The following CARHSP1 variants were observed in gnomAD, a reference collection of about 807,000 sequenced individuals.
CARHSP1 encodes the protein calcium regulated heat stable protein 1, also known as calcium-regulated heat-stable protein 1.
In CARHSP1, 14 loss-of-function variants were observed where a neutral mutation model predicts 12.5. That is an observed-to-expected ratio of 1.12 (90% CI 0.74 to 1.75). CARHSP1 has a LOEUF of 1.75. CARHSP1 is among the 40% of genes most tolerant of loss of function. The pLI, the probability that CARHSP1 is intolerant of heterozygous loss-of-function variation, is 0.00. For synonymous variants in CARHSP1, 161 were observed against 82.0 expected (o/e 1.96, Z -5.20); for missense variants, 343 against 201.6 (o/e 1.70, Z -4.25).
intron 1 of CARHSP1, among the ~76,000 whole-genome samples, chr16:8,866,706 G>C (rs1014719332): frequency 2.0e-5 from 3 of 151,006 alleles, no homozygotes; most frequent in Non-Finnish European, 4.4e-5. Flanking sequence ...AGAGGAGGGG[G>C]AGGGACACGA....
intron 1 of CARHSP1, chr16:8,860,508 G>C: frequency 1.0e-6 from 1 of 985,444 alleles, no homozygotes; most frequent in Non-Finnish European, 1.2e-6. Flanking sequence ...AGGGGAAAGA[G>C]AAACAGTCCA....
At chr16:8,861,721 G>A in intron 1 of CARHSP1, 1 of 1,288,034 alleles carries the variant, frequency 7.8e-7, no homozygotes. Flanking sequence ...CTGAGTCCGG[G>A]GAGCCCCCAC....
At chr16:8,865,729 G>A (rs780237464) in intron 1 of CARHSP1, among the ~76,000 whole-genome samples, 3 of 152,206 alleles carry the variant, frequency 2.0e-5, no homozygotes, top group African/African-American at 7.2e-5. Flanking sequence ...AGACTTCTGC[G>A]TCAGGCCCTG....
Position 8,859,283 on chromosome 16 carries a change from C to T in CARHSP1, c.46G>A (p.Ala16Thr). 6.2e-7 allele frequency: 1 copy of T among 1,600,736 alleles called. No individual in the cohort carries two copies. Among genetic ancestry groups the T allele is most frequent in the Non-Finnish European group, 8.5e-7 (1 of 1,176,114 alleles). The stretch of plus-strand genomic sequence containing the variant: ...GGGGTGTCCAGCAGCCCGACTGAAG[C>T]TTGATGGGTGGGGGGCTGTGGTGGT... ...PPPPQPPTHQ[A>T]SVGLLDTPRS... The change falls in exon 2 of 4, where the codon GCT becomes ACT. Residue 16 changes from alanine (A) to threonine (T), a missense_variant. By Grantham distance (58) the Ala-to-Thr change is moderately conservative (BLOSUM62 0). Transcript: ENST00000311052.
chr16:8,855,199 G>C lies in CARHSP1; in HGVS notation c.409C>G (p.His137Asp), dbSNP rs1393928424. The change falls in exon 4 of 4, where the codon CAT becomes GAT. Residue 137 changes from histidine to aspartate, a missense_variant. Coordinates refer to ENST00000311052, the MANE Select transcript of CARHSP1 (RefSeq NM_014316.4). ...VITHLAPGTKHETWSGHVISS is the reference protein window; with the variant it reads ...VITHLAPGTKDETWSGHVISS ...ATGACATGTCCAGACCAGGTCTCAT[G>C]CTTGGTGCCTGGTGCCAGGTGAGTG... 6.2e-7 allele frequency: 1 copy of C among 1,612,160 alleles called. No homozygotes were observed. The highest frequency in any genetic ancestry group is 1.3e-5 in the African/African-American group (1 of 74,878).
rs1019028084 is a variant in CARHSP1, at chr16:8,854,999, C to T, written c.*165G>A. ...TGTGCTGATGGCCGGGAACACCCCA[C>T]ACCCCACACCTGCCCCCCATACCCC... On this transcript the variant is annotated 3_prime_UTR_variant, in exon 4 of 4. Transcript: ENST00000311052. 41 of 489,010 alleles carry T rather than the reference C, an allele frequency of 8.4e-5. No individual in the cohort carries two copies. Among genetic ancestry groups the T allele is most frequent in the Non-Finnish European group, 5.3e-5 (15 of 285,446 alleles). 30.3% of individuals were successfully genotyped at this position (489,010 alleles called of 1,614,324 possible).
rs374007002 is a variant in CARHSP1 at position 8,855,137 on chromosome 16, C to A, written c.*27G>T. The A allele has an allele frequency of 4.6e-6, 7 of 1,522,730 alleles. No homozygotes were observed. In the South Asian group the frequency reaches 5.0e-5, roughly 11 times the overall value. 94.3% of individuals were successfully genotyped at this position (1,522,730 alleles called of 1,614,324 possible). A position where few individuals can be genotyped will look rare whatever the true frequency, so the allele number is the denominator to read the frequency against. ...CTCCCTGCAAAGTCTCCCACAAGCACAGGACAAGGGGTGCTTCCACCATCT... is the reference window on the plus strand; with the variant it reads ...CTCCCTGCAAAGTCTCCCACAAGCAAAGGACAAGGGGTGCTTCCACCATCT... On this transcript the variant is annotated 3_prime_UTR_variant, in exon 4 of 4. Transcript: ENST00000311052.
Position 8,853,335 on chromosome 16 carries a change from G to GA in CARHSP1, c.*1828_*1829insT, listed in dbSNP as rs1326314417. On this transcript the variant is annotated 3_prime_UTR_variant, in exon 4 of 4. Coordinates refer to ENST00000311052, the MANE Select transcript of CARHSP1 (RefSeq NM_014316.4). The stretch of plus-strand genomic sequence containing the variant: ...AGCCAACAGGGAACAATTCAAGGCT[G>GA]GAGAGAAAAGGCCACCTTTGACCCA... 6 of 119,024 alleles carry GA rather than the reference G, an allele frequency of 5.0e-5. No individual in the cohort carries two copies. 7.4% of individuals were successfully genotyped at this position (119,024 alleles called of 1,614,324 possible). A position where few individuals can be genotyped will look rare whatever the true frequency, so the allele number is the denominator to read the frequency against.
chr16:8,860,241 G>A (rs905979409), intron 1 of CARHSP1: 2 of 983,776 alleles, frequency 2.0e-6, no homozygotes, highest in East Asian at 2.3e-4. Flanking sequence ...AAAGGGAAAG[G>A]GAGAATTTCC....
chr16:8,856,451 C>T (rs2061111948), intron 3 of CARHSP1, among the ~76,000 whole-genome samples: 8 of 152,214 alleles, frequency 5.3e-5, no homozygotes, highest in Admixed American at 5.2e-4. Flanking sequence ...CACAATATTT[C>T]CATCTTCCTA....
chr16:8,861,378 G>C lies in CARHSP1; in HGVS notation c.-7-2043C>G, dbSNP rs1657073. Among the ~76,000 whole-genome samples, 637 of 151,558 alleles carry C rather than the reference G, an allele frequency of 4.2e-3. 2 individuals carry two copies. The highest frequency in any genetic ancestry group is 7.5e-3 in the Admixed American group (114 of 15,230). On this transcript the variant is annotated intron_variant, in intron 1 of 3. Coordinates refer to ENST00000311052, the MANE Select transcript of CARHSP1 (RefSeq NM_014316.4). ...AAATCCAGGTTTCCAGCTGCTCATG[G>C]AAAGAAATGAAGCTCTCACAACCTT...
At chr16:8,860,155 T>G in intron 1 of CARHSP1, 1 of 985,324 alleles carries the variant, frequency 1.0e-6, no homozygotes, top group Non-Finnish European at 1.2e-6. Flanking sequence ...CGCAGAGAGC[T>G]CAAGCGCCAC....
At position 8,857,263 on chromosome 16, in the gene CARHSP1, GTTTTTT is replaced by G. The variant is rs756390920; in HGVS notation, c.281+1081_281+1086del. Among the ~76,000 whole-genome samples the G allele has an allele frequency of 1.5e-3, 84 of 56,990 alleles. 4 individuals are homozygous for G. Among genetic ancestry groups the G allele is most frequent in the African/African-American group, 2.6e-3 (46 of 17,902 alleles). 37.4% of individuals were successfully genotyped at this position (56,990 alleles called of 152,430 possible). A position where few individuals can be genotyped will look rare whatever the true frequency, so the allele number is the denominator to read the frequency against. ...TGGCTATGTGATCTTGGGCAGATCTGTTTTTTTTTTTTTTTTTTTTTTTTTTTTTTT... is the reference window on the plus strand; with the variant it reads ...TGGCTATGTGATCTTGGGCAGATCTGTTTTTTTTTTTTTTTTTTTTTTTTT... On this transcript the variant is annotated intron_variant, in intron 3 of 3. Transcript: ENST00000311052.
chr16:8,857,105 G>GGCCAGATATAATGGGCACTC (rs2141079582), intron 3 of CARHSP1, among the ~76,000 whole-genome samples: 1 of 152,144 alleles, frequency 6.6e-6, no homozygotes, highest in African/African-American at 2.4e-5. Context: ...GGGTGTCCTT[G>GGCCAGATATAATGGGCACTC]GCCAGATATA....
At chr16:8,857,297 T>TTTTTTTTTTTTTTA (rs2061164547) in intron 3 of CARHSP1, among the ~76,000 whole-genome samples, 1 of 84,660 alleles carries the variant, frequency 1.2e-5, no homozygotes. Context: ...TTTTTTTTTT[T>TTTTTTTTTTTTTTA]TTGAGATGGA....
At chr16:8,866,564 A>G (rs1261437137) in intron 1 of CARHSP1, 2 of 586,724 alleles carry the variant, frequency 3.4e-6, no homozygotes, top group Admixed American at 1.3e-4. Context: ...GAGCCCAGAT[A>G]GAAGGGTCCC....
intron 1 of CARHSP1, among the ~76,000 whole-genome samples, chr16:8,866,869 T>C (rs147247591): frequency 0.012 from 1,837 of 152,198 alleles, 19 homozygotes; most frequent in South Asian, 0.047. Flanking sequence ...GCCCGGCGCC[T>C]ACGTCTGCCC....
At chr16:8,857,278 T>TTTTTTTTTG (rs2061159829) in intron 3 of CARHSP1, among the ~76,000 whole-genome samples, 1 of 116,738 alleles carries the variant, frequency 8.6e-6, no homozygotes, top group African/African-American at 3.3e-5. Flanking sequence ...TTTTTTTTTT[T>TTTTTTTTTG]TTTTTTTTTT....
chr16:8,856,601 C>T (rs542233231), intron 3 of CARHSP1, among the ~76,000 whole-genome samples: 55 of 146,256 alleles, frequency 3.8e-4, no homozygotes, highest in African/African-American at 1.3e-3. Flanking sequence ...TCCTGCCTGC[C>T]GATCTGATAG....
Sources: allele counts gnomAD v4.1 joint callset (sites outside exome capture counted in the v4.1 genomes callset), GRCh38; gene constraint gnomAD v4.1.1; transcripts MANE v1.5; gene names NCBI Gene and HGNC (gene_info 2026-07-23, HGNC 2026-07-21).